ATP1A2: variants seen among roughly 807,000 people sequenced by gnomAD.
ATP1A2 encodes the protein sodium/potassium-transporting ATPase subunit alpha-2.
A neutral mutation model predicts 113.1 loss-of-function variants in ATP1A2; 56 were observed. That is an observed-to-expected ratio of 0.49 (90% CI 0.40 to 0.62). ATP1A2 has a LOEUF of 0.62. ATP1A2 is among the 20% of genes least tolerant of loss of function. The pLI, the probability that ATP1A2 is intolerant of heterozygous loss-of-function variation, is 0.00. For synonymous variants in ATP1A2, 490 were observed against 526.8 expected, an observed-to-expected ratio of 0.93 and a Z score of 0.96; for missense variants, 712 against 1,357.8, an observed-to-expected ratio of 0.52 and a Z score of 7.47.
At chr1:160,118,351 G>T (rs531212301) in intron 1 of ATP1A2, among the ~76,000 whole-genome samples, 3 of 152,310 alleles carry the variant, frequency 2.0e-5, no homozygotes, top group African/African-American at 7.2e-5. Flanking sequence ...TGTCCCTGAA[G>T]TTCCTGAGGG....
chr1:160,135,333 C>A lies in ATP1A2; in HGVS notation c.2115+38C>A, dbSNP rs762689022. ...ACGGGAGGCAGATGACAGGCAGGGA[C>A]CGGGGAGGCAGGGACAGGGCCAAGA... On this transcript the variant is annotated intron_variant, in intron 15 of 22. Transcript: ENST00000361216. This position sits in a 1 kb window ranked among gnomAD's most constrained non-coding sequence, Gnocchi z 6.3. The A allele has an allele frequency of 6.2e-7, 1 of 1,614,084 alleles. No homozygotes were observed. Among genetic ancestry groups the A allele is most frequent in the Admixed American group, 1.7e-5 (1 of 60,016 alleles).
At chr1:160,126,340 G>T (rs1651586906) in intron 7 of ATP1A2, among the ~76,000 whole-genome samples, 1 of 151,904 alleles carries the variant, frequency 6.6e-6, no homozygotes, top group Non-Finnish European at 1.5e-5. Flanking sequence ...TTTTATTGTT[G>T]TATTGTTATT....
At chr1:160,133,994 A>G (rs554275027) in intron 13 of ATP1A2, among the ~76,000 whole-genome samples, 6 of 151,714 alleles carry the variant, frequency 4.0e-5, no homozygotes, top group Admixed American at 1.3e-4. Context: ...CACCCACTCA[A>G]ATTCACACAG....
Position 160,141,515 on chromosome 1 carries a change from C to A in ATP1A2, c.*193C>A, listed in dbSNP as rs1474430613. 5.8e-6 allele frequency: 4 copies of A among 688,828 alleles called. No homozygotes were observed. Among genetic ancestry groups the A allele is most frequent in the Non-Finnish European group, 1.0e-5 (4 of 382,690 alleles). The allele number at this position is 688,828 out of a possible 1,614,324, so 42.7% of individuals were successfully genotyped here. On this transcript the variant is annotated 3_prime_UTR_variant, in exon 23 of 23. Coordinates refer to ENST00000361216, the MANE Select transcript of ATP1A2 (RefSeq NM_000702.4). Reference sequence around the variant, plus strand: ...ATGACCCCATAGACCTAACTGTGAACAATCAGATTAGACACTATGTGTTAG... The same window carrying A: ...ATGACCCCATAGACCTAACTGTGAAAAATCAGATTAGACACTATGTGTTAG...
At chr1:160,133,260 TAG>T (rs2101992920) in intron 13 of ATP1A2, among the ~76,000 whole-genome samples, 1 of 152,028 alleles carries the variant, frequency 6.6e-6, no homozygotes, top group East Asian at 1.9e-4. Context: ...AGGGGTCAAG[TAG>T]GATGAGGACG....
At position 160,129,005 on chromosome 1, in the gene ATP1A2, T is replaced by A; in HGVS notation, c.1242T>A (p.Pro414=). The A allele has an allele frequency of 6.2e-7, 1 of 1,608,646 alleles. No individual in the cohort carries two copies. Among genetic ancestry groups the A allele is most frequent in the East Asian group, 2.2e-5 (1 of 44,630 alleles). The part of the protein sequence containing the change: ...QSGATFDKRS[P]TWTALSRIAG... The stretch of plus-strand genomic sequence containing the variant: ...GGGCCACTTTTGACAAACGATCCCC[T>A]ACGTGGACGGCCCTGTCTCGAATTG... The change falls in exon 10 of 23, where the codon CCT becomes CCA. Residue 414 remains proline (P), a synonymous_variant. Coordinates refer to ENST00000361216, the MANE Select transcript of ATP1A2 (RefSeq NM_000702.4).
chr1:160,116,388 G>C (rs1336660603), intron 1 of ATP1A2, among the ~76,000 whole-genome samples: 1 of 151,952 alleles, frequency 6.6e-6, no homozygotes, highest in African/African-American at 2.4e-5. Flanking sequence ...AGCTCCAGGG[G>C]CCCTGAGTGC....
At chr1:160,124,635 A>G (rs1651527002) in intron 6 of ATP1A2, among the ~76,000 whole-genome samples, 2 of 152,220 alleles carry the variant, frequency 1.3e-5, no homozygotes, top group Admixed American at 1.3e-4. Flanking sequence ...TCTATGCCCC[A>G]GGTATTTCTT....
intron 12 of ATP1A2, 54 bp from the exon 13 acceptor site, chr1:160,130,368 G>A (rs1406418648): frequency 6.2e-7 from 1 of 1,613,958 alleles, no homozygotes; most frequent in East Asian, 2.2e-5. Flanking sequence ...GGACTGTGGG[G>A]GCGTCCAGGA....
chr1:160,123,579 A>G (rs546159401), intron 4 of ATP1A2, among the ~76,000 whole-genome samples, 163 bp downstream of exon 4: 16 of 152,188 alleles, frequency 1.1e-4, no homozygotes, highest in Non-Finnish European at 2.1e-4. Context: ...ATATATCTGT[A>G]AAGTACTCCT....
chr1:160,140,825 C>T (rs1652121895), intron 22 of ATP1A2: 1 of 208,766 alleles, frequency 4.8e-6, no homozygotes, highest in Non-Finnish European at 9.5e-6. Context: ...CACTGGACCT[C>T]CTTCTCCTCC....
chr1:160,131,650 A>T (rs1398150113), intron 13 of ATP1A2, among the ~76,000 whole-genome samples: 1 of 151,794 alleles, frequency 6.6e-6, no homozygotes, highest in African/African-American at 2.4e-5. Context: ...ACATGGTGAA[A>T]CCCCGTCTCT....
intron 5 of ATP1A2, 103 bp from the exon 6 acceptor site, chr1:160,124,193 G>C: frequency 6.4e-7 from 1 of 1,553,600 alleles, no homozygotes; most frequent in Non-Finnish European, 8.7e-7. Context: ...GCACCTAATT[G>C]TTTATGGGGC....
chr1:160,141,943 A>G lies in ATP1A2; in HGVS notation c.*621A>G, dbSNP rs12077973. ...GAGGTAGGGCTGGCTGGAGGAAGGAAACAACAAAGGAAGTGAGGTAGTGCC... is the reference window on the plus strand; with the variant it reads ...GAGGTAGGGCTGGCTGGAGGAAGGAGACAACAAAGGAAGTGAGGTAGTGCC... On this transcript the variant is annotated 3_prime_UTR_variant, in exon 23 of 23. Coordinates refer to ENST00000361216, the MANE Select transcript of ATP1A2 (RefSeq NM_000702.4). 0.033 allele frequency: 5,315 copies of G among 160,598 alleles called. 286 individuals carry two copies. Among genetic ancestry groups the G allele is most frequent in the African/African-American group, 0.12 (4,867 of 41,656 alleles). 9.9% of individuals were successfully genotyped at this position (160,598 alleles called of 1,614,324 possible).
Position 160,134,769 on chromosome 1 carries a change from G to A in ATP1A2, c.1964+149G>A, listed in dbSNP as rs558143029. 26 of 1,234,322 alleles carry A rather than the reference G, an allele frequency of 2.1e-5. No homozygotes were observed. The African/African-American group carries it at 3.5e-4, about 16-fold the overall frequency. 76.5% of individuals were successfully genotyped at this position (1,234,322 alleles called of 1,614,324 possible). On this transcript the variant is annotated intron_variant, in intron 14 of 22. Transcript: ENST00000361216. ...CTATTGTGACTGGTTCCTCAGCCCT[G>A]AGCTTGTATCCAGGCTGTGCCACTG...
At position 160,115,792 on chromosome 1, in the gene ATP1A2, G is replaced by C; in HGVS notation, c.-70G>C. 1 of 1,556,134 alleles carries C rather than the reference G, an allele frequency of 6.4e-7. No homozygotes were observed. Among genetic ancestry groups the C allele is most frequent in the Non-Finnish European group, 8.7e-7 (1 of 1,146,630 alleles). The stretch of plus-strand genomic sequence containing the variant: ...GCCAGGGTCTCCGACTGTCCCAGAC[G>C]GGCTGGTGTGGGCTTGGGATCCTCC... On this transcript the variant is annotated 5_prime_UTR_variant, in exon 1 of 23. Coordinates refer to ENST00000361216, the MANE Select transcript of ATP1A2 (RefSeq NM_000702.4).
intron 22 of ATP1A2, among the ~76,000 whole-genome samples, chr1:160,140,480 A>G (rs1652108755): frequency 6.6e-6 from 1 of 152,218 alleles, no homozygotes; most frequent in Non-Finnish European, 1.5e-5. Flanking sequence ...AATACTGTCC[A>G]GGAATACTGT....
chr1:160,129,432 A>G (rs1651698540), intron 11 of ATP1A2, 32 bp downstream of exon 11: 1 of 1,607,500 alleles, frequency 6.2e-7, no homozygotes, highest in African/African-American at 1.3e-5. Flanking sequence ...AGAGGAAGAG[A>G]GAGGGATATA....
chr1:160,138,038 A>G (rs953032536), intron 20 of ATP1A2, among the ~76,000 whole-genome samples: 3 of 152,194 alleles, frequency 2.0e-5, no homozygotes, highest in Non-Finnish European at 4.4e-5. Flanking sequence ...GGGACTTGCT[A>G]TGCACTGCAG....
Sources: allele counts gnomAD v4.1 joint callset (sites outside exome capture counted in the v4.1 genomes callset), GRCh38; gene constraint gnomAD v4.1.1; non-coding constraint Gnocchi (gnomAD v3.1); transcripts MANE v1.5; gene names NCBI Gene and HGNC (gene_info 2026-07-23, HGNC 2026-07-21).